The following TMEM40 variants were observed in gnomAD, a reference collection of about 807,000 sequenced individuals.
The protein encoded by TMEM40 is transmembrane protein 40.
In TMEM40, 34 loss-of-function variants were observed where a neutral mutation model predicts 40.8. The observed-to-expected ratio is 0.83, with a 90% confidence interval of 0.63 to 1.11. The LOEUF (loss-of-function observed/expected upper bound fraction) is 1.11. Among genes scored for constraint, TMEM40 ranks in the 50% least tolerant of loss-of-function variants. The pLI is 0.00. For synonymous variants in TMEM40, 106 were observed against 107.0 expected (o/e 0.99, Z 0.06); for missense variants, 296 against 280.2 (o/e 1.06, Z -0.40).
At chr3:12,767,455 G>A (rs6791359) in intron 1 of TMEM40, among the ~76,000 whole-genome samples, 8,311 of 152,114 alleles carry the variant, frequency 0.055, 730 homozygotes, top group African/African-American at 0.19. Flanking sequence ...CAGGAGCTTC[G>A]GTTCACCTTC....
chr3:12,769,255 C>G, exon 1 of TMEM40: 1 of 418,882 alleles, frequency 2.4e-6, no homozygotes, highest in Non-Finnish European at 4.9e-6. Context: ...CCATACCTCC[C>G]GGAAGGCTGA....
At chr3:12,743,201 C>T (rs2061396804) in intron 4 of TMEM40, among the ~76,000 whole-genome samples, 1 of 152,214 alleles carries the variant, frequency 6.6e-6, no homozygotes, top group Non-Finnish European at 1.5e-5. Flanking sequence ...GGCACGGTGG[C>T]TCACCTCTGT....
chr3:12,738,833 C>A (rs2061359449), intron 5 of TMEM40: 2 of 481,460 alleles, frequency 4.2e-6, no homozygotes, highest in Non-Finnish European at 7.6e-6. Flanking sequence ...CCCAGAGAAG[C>A]CAGGTTTTCA....
rs1396364394 is a variant in TMEM40, at chr3:12,737,706, C to T, written c.472+1G>A. The T allele has an allele frequency of 1.2e-6, 2 of 1,613,894 alleles. No individual in the cohort carries two copies. On this transcript the variant is annotated splice_donor_variant, in intron 8 of 11. Transcript: ENST00000314124. LOFTEE classifies it high-confidence loss of function. ...CAGCTCTGCTACACCAAGTTCCTTACCATCTTTCTTTATATTCAGTCTTCT... is the reference window on the plus strand; with the variant it reads ...CAGCTCTGCTACACCAAGTTCCTTATCATCTTTCTTTATATTCAGTCTTCT...
At chr3:12,768,595 A>G (rs891484682) in intron 1 of TMEM40, among the ~76,000 whole-genome samples, 1 of 137,212 alleles carries the variant, frequency 7.3e-6, no homozygotes, top group African/African-American at 2.8e-5. Flanking sequence ...ACCCTGAGCT[A>G]GACACAGGGT....
At chr3:12,753,691 G>A (rs887294366) in intron 1 of TMEM40, among the ~76,000 whole-genome samples, 2 of 152,156 alleles carry the variant, frequency 1.3e-5, no homozygotes, top group Admixed American at 6.6e-5. Context: ...ACCAACTCAG[G>A]TGGCCCCCAC....
intron 1 of TMEM40, among the ~76,000 whole-genome samples, chr3:12,765,083 C>T (rs1198204740): frequency 1.3e-5 from 2 of 152,062 alleles, no homozygotes; most frequent in African/African-American, 4.8e-5. Context: ...TCTTGAACTC[C>T]CGACCTCAAG....
chr3:12,758,998 A>C (rs1330831602), intron 1 of TMEM40, among the ~76,000 whole-genome samples, 193 bp downstream of exon 1: 1 of 152,180 alleles, frequency 6.6e-6, no homozygotes, highest in Non-Finnish European at 1.5e-5. Context: ...CAACCCAGGA[A>C]GGTGAATATT....
Position 12,736,672 on chromosome 3 carries a change from G to C in TMEM40, c.545-20C>G. On this transcript the variant is annotated intron_variant, in intron 9 of 11. Coordinates refer to ENST00000314124, the MANE Select transcript of TMEM40 (RefSeq NM_018306.4). ...ACCAGTCTGGAAGGGCAGTGAGGGA[G>C]GGAATGGTCAGCCTCCAGGTCTTGA... 1 of 1,612,312 alleles carries C rather than the reference G, an allele frequency of 6.2e-7. No individual in the cohort carries two copies. Among genetic ancestry groups the C allele is most frequent in the Non-Finnish European group, 8.5e-7 (1 of 1,179,072 alleles).
At chr3:12,751,210 C>A (rs1191727394) in intron 1 of TMEM40, among the ~76,000 whole-genome samples, 6 of 149,960 alleles carry the variant, frequency 4.0e-5, no homozygotes, top group African/African-American at 4.9e-5. Context: ...TCCTCTTACC[C>A]TTGGACATTC....
intron 5 of TMEM40, among the ~76,000 whole-genome samples, chr3:12,739,637 T>C (rs1246764954): frequency 2.0e-5 from 3 of 151,568 alleles, no homozygotes; most frequent in Non-Finnish European, 2.9e-5. Flanking sequence ...CCCAGGCTGG[T>C]CTTGAACTCC....
Position 12,735,550 on chromosome 3 carries a change from G to A in TMEM40, c.682+5C>T, listed in dbSNP as rs760565336. The A allele has an allele frequency of 1.2e-6, 2 of 1,613,346 alleles. No homozygotes were observed. The highest frequency in any genetic ancestry group is 1.3e-5 in the African/African-American group (1 of 75,010). Reference sequence around the variant, plus strand: ...GAGTGAACACAGGAAGACTTTAAAAGTTACCTGTCAGCCTAAACTTCTGGA... The same window carrying A: ...GAGTGAACACAGGAAGACTTTAAAAATTACCTGTCAGCCTAAACTTCTGGA... On this transcript the variant is annotated splice_donor_5th_base_variant and intron_variant, in intron 11 of 11. Coordinates refer to ENST00000314124, the MANE Select transcript of TMEM40 (RefSeq NM_018306.4).
At position 12,735,553 on chromosome 3, in the gene TMEM40, A is replaced by T; in HGVS notation, c.682+2T>A. ...TGAACACAGGAAGACTTTAAAAGTT[A>T]CCTGTCAGCCTAAACTTCTGGAAGA... is the stretch of plus-strand genomic sequence containing the variant. On this transcript the variant is annotated splice_donor_variant, in intron 11 of 11. Transcript: ENST00000314124. LOFTEE classifies it high-confidence loss of function. 1 of 1,613,516 alleles carries T rather than the reference A, an allele frequency of 6.2e-7. No individual in the cohort carries two copies. Among genetic ancestry groups the T allele is most frequent in the South Asian group, 1.1e-5 (1 of 91,046 alleles).
chr3:12,767,503 T>C (rs2061599398), intron 1 of TMEM40, among the ~76,000 whole-genome samples: 1 of 152,180 alleles, frequency 6.6e-6, no homozygotes, highest in Non-Finnish European at 1.5e-5. Flanking sequence ...CCTTAGGGTC[T>C]GTTTTACCCA....
At chr3:12,736,391 CCA>C (rs2061337316) in intron 10 of TMEM40, among the ~76,000 whole-genome samples, 185 bp downstream of exon 10, 1 of 152,138 alleles carries the variant, frequency 6.6e-6, no homozygotes, top group Non-Finnish European at 1.5e-5. Context: ...CTCAGGTGAT[CCA>C]CACACCTCAG....
chr3:12,767,082 G>A (rs1172421953), intron 1 of TMEM40, among the ~76,000 whole-genome samples: 1 of 152,152 alleles, frequency 6.6e-6, no homozygotes, highest in East Asian at 1.9e-4. Context: ...CTCCAGGTGA[G>A]GGAAGATCTG....
chr3:12,738,622 A>C, intron 5 of TMEM40, 34 bp from the exon 6 acceptor site: 4 of 1,609,002 alleles, frequency 2.5e-6, no homozygotes, highest in Non-Finnish European at 3.4e-6. Flanking sequence ...TCATATACCC[A>C]TGATCCTCTG....
upstream of TMEM40, among the ~76,000 whole-genome samples, chr3:12,762,103 C>G (rs1045966644): frequency 3.3e-5 from 5 of 152,012 alleles, no homozygotes; most frequent in Non-Finnish European, 7.4e-5. Flanking sequence ...GCTGGGACTA[C>G]AGGTGTGCAC....
At chr3:12,742,631 C>A in intron 4 of TMEM40, 124 bp from the exon 5 acceptor site, 9 of 1,151,170 alleles carry the variant, frequency 7.8e-6, no homozygotes, top group Non-Finnish European at 1.0e-5. Context: ...AGGTGGGGGG[C>A]AGTCTTCAGG....
Sources: allele counts gnomAD v4.1 joint callset (sites outside exome capture counted in the v4.1 genomes callset), GRCh38; gene constraint gnomAD v4.1.1; transcripts MANE v1.5; gene names NCBI Gene and HGNC (gene_info 2026-07-23, HGNC 2026-07-21).